Variants in IL34 observed in about 807,000 individuals in gnomAD.
The protein encoded by IL34 is interleukin-34.
A neutral mutation model predicts 25.3 loss-of-function variants in IL34; 17 were observed. That is an observed-to-expected ratio of 0.67 (90% CI 0.46 to 1.01). IL34 has a LOEUF of 1.01. Among genes scored for constraint, IL34 ranks in the 50% least tolerant of loss-of-function variants. The pLI is 0.00. For synonymous variants in IL34, 174 were observed against 140.9 expected, an observed-to-expected ratio of 1.23 and a Z score of -1.66; for missense variants, 368 against 312.9, an observed-to-expected ratio of 1.18 and a Z score of -1.33.
intron 1 of IL34, among the ~76,000 whole-genome samples, chr16:70,621,157 G>T (rs533974713): frequency 6.6e-6 from 1 of 152,200 alleles, no homozygotes; most frequent in South Asian, 2.1e-4. Flanking sequence ...CCTGCCCCAG[G>T]AAAGCAGGAC....
At chr16:70,602,147 G>C (rs1022871605) in intron 1 of IL34, among the ~76,000 whole-genome samples, 1 of 152,232 alleles carries the variant, frequency 6.6e-6, no homozygotes, top group Non-Finnish European at 1.5e-5. Flanking sequence ...CCTCATGGTT[G>C]CAGTGAGCCG....
At chr16:70,626,010 G>A (rs969386928) in intron 1 of IL34, among the ~76,000 whole-genome samples, 3 of 152,188 alleles carry the variant, frequency 2.0e-5, no homozygotes, top group Admixed American at 6.5e-5. Flanking sequence ...TCACGGCACC[G>A]AATTTCATGC....
chr16:70,660,190 A>G lies in IL34; in HGVS notation c.*3A>G. On this transcript the variant is annotated 3_prime_UTR_variant, in exon 6 of 6. Coordinates refer to ENST00000288098, the MANE Select transcript of IL34 (RefSeq NM_001393494.1). ...AGGGCGAGGGCCTCTTGCCCTGAGC[A>G]CCCTGGATGGTGACTGCGGATAGGG... 1 of 1,567,204 alleles carries G rather than the reference A, an allele frequency of 6.4e-7. No individual in the cohort carries two copies. The highest frequency in any genetic ancestry group is 8.6e-7 in the Non-Finnish European group (1 of 1,158,624).
intron 1 of IL34, among the ~76,000 whole-genome samples, chr16:70,623,510 C>T (rs555592203): frequency 1.3e-5 from 2 of 152,100 alleles, no homozygotes; most frequent in Admixed American, 1.3e-4. Flanking sequence ...GGCTTTAATC[C>T]TTTCAAAGCA....
intron 1 of IL34, among the ~76,000 whole-genome samples, chr16:70,587,704 C>A (rs1471741541): frequency 6.6e-6 from 1 of 151,936 alleles, no homozygotes; most frequent in Non-Finnish European, 1.5e-5. Flanking sequence ...CAATACACTA[C>A]CCCACACCCT....
At chr16:70,628,681 C>G (rs1430075665) in intron 1 of IL34, among the ~76,000 whole-genome samples, 1 of 151,170 alleles carries the variant, frequency 6.6e-6, no homozygotes, top group Non-Finnish European at 1.5e-5. Flanking sequence ...GAGATGGGGT[C>G]TCACCATGTT....
chr16:70,611,842 TTAAATAAATAAA>T (rs547858093), intron 1 of IL34, among the ~76,000 whole-genome samples: 1 of 151,434 alleles, frequency 6.6e-6, no homozygotes, highest in Non-Finnish European at 1.5e-5. Context: ...AGACTCTGTC[TTAAATAAATAAA>T]TAAATAAATA....
intron 1 of IL34, among the ~76,000 whole-genome samples, chr16:70,594,360 TA>T (rs1221172739): frequency 4.6e-5 from 7 of 152,226 alleles, no homozygotes; most frequent in Admixed American, 2.0e-4. Flanking sequence ...TGAAGAATTT[TA>T]TTTTTAGGGT....
In IL34 at chr16:70,656,686, A is replaced by G. The variant is rs1282258489; in HGVS notation, c.240+7A>G. Reference sequence around the variant, plus strand: ...CGCCAACGTCACCAGGCTGGTGAGAATCCCTTCCTGGGCTGGGGGGACCCT... The same window carrying G: ...CGCCAACGTCACCAGGCTGGTGAGAGTCCCTTCCTGGGCTGGGGGGACCCT... On this transcript the variant is annotated splice_region_variant and intron_variant, in intron 3 of 5. Coordinates refer to ENST00000288098, the MANE Select transcript of IL34 (RefSeq NM_001393494.1). 1 of 1,288,606 alleles carries G rather than the reference A, an allele frequency of 7.8e-7. No homozygotes were observed. The highest frequency in any genetic ancestry group is 1.1e-6 in the Non-Finnish European group (1 of 882,536). 79.8% of individuals were successfully genotyped at this position (1,288,606 alleles called of 1,614,324 possible).
chr16:70,657,226 G>A (rs925623120), intron 4 of IL34, 105 bp downstream of exon 4: 85 of 1,173,490 alleles, frequency 7.2e-5, no homozygotes, highest in Non-Finnish European at 7.2e-5. Flanking sequence ...GTGAATACAC[G>A]GAAAGATGGG....
At chr16:70,616,837 A>C (rs1478123660) in intron 1 of IL34, among the ~76,000 whole-genome samples, 1 of 152,162 alleles carries the variant, frequency 6.6e-6, no homozygotes, top group South Asian at 2.1e-4. Flanking sequence ...GTGGATCTTC[A>C]GTTACTTCAG....
intron 1 of IL34, among the ~76,000 whole-genome samples, chr16:70,581,600 C>T (rs963548084): frequency 1.3e-5 from 2 of 152,024 alleles, no homozygotes; most frequent in Admixed American, 6.6e-5. Context: ...GCAGAATGGG[C>T]TGGGCAGGGG....
At position 70,657,073 on chromosome 16, in the gene IL34, C is replaced by G. The variant is rs754112108; in HGVS notation, c.354C>G (p.Tyr118Ter). 6.2e-7 allele frequency: 1 copy of G among 1,613,066 alleles called. No individual in the cohort carries two copies. Among genetic ancestry groups the G allele is most frequent in the African/African-American group, 1.3e-5 (1 of 74,852 alleles). ...TCGAGGGCCACCCATCCTGGAAGTA[C>G]CTGCAGGAGGTGGAGACGCTGCTGC... ...VLLEGHPSWK[Y>*]LQEVETLLLN... The change falls in exon 4 of 6, where the codon TAC becomes TAG. Residue 118 changes from tyrosine to a stop codon, truncating the protein, a stop_gained. Transcript: ENST00000288098. LOFTEE classifies it high-confidence loss of function.
At chr16:70,659,858 C>A (rs532426038) in intron 5 of IL34, 105 bp downstream of exon 5, 4 of 1,490,508 alleles carry the variant, frequency 2.7e-6, no homozygotes, top group Admixed American at 4.3e-5. Context: ...ATCCTCTGCT[C>A]CCCGGGGCTA....
chr16:70,607,744 G>GT (rs1252968696), intron 1 of IL34, among the ~76,000 whole-genome samples: 1 of 151,776 alleles, frequency 6.6e-6, no homozygotes, highest in East Asian at 1.9e-4. Context: ...TGACCATGTG[G>GT]TTTTTCTTTT....
chr16:70,637,903 T>A (rs956916720), intron 1 of IL34, among the ~76,000 whole-genome samples: 1 of 152,158 alleles, frequency 6.6e-6, no homozygotes, highest in Non-Finnish European at 1.5e-5. Context: ...GTTCTCAGAT[T>A]TTGCTAACTG....
intron 1 of IL34, 127 bp from the exon 2 acceptor site, chr16:70,654,411 C>A: frequency 7.6e-7 from 1 of 1,309,610 alleles, no homozygotes; most frequent in Non-Finnish European, 1.0e-6. Context: ...GTGCCCCCCA[C>A]CACACCTTTC....
intron 1 of IL34, among the ~76,000 whole-genome samples, chr16:70,599,318 T>TTCTTTC: frequency 1.6e-5 from 1 of 61,184 alleles, no homozygotes; most frequent in African/African-American, 6.4e-5. Flanking sequence ...CTTTCTTTCT[T>TTCTTTC]TTCTTTCTTT....
chr16:70,652,096 C>G (rs1381716146), intron 1 of IL34, among the ~76,000 whole-genome samples: 1 of 150,632 alleles, frequency 6.6e-6, no homozygotes, highest in Non-Finnish European at 1.5e-5. Flanking sequence ...CCACGGCACT[C>G]CAGCCTGGGT....
Sources: allele counts gnomAD v4.1 joint callset (sites outside exome capture counted in the v4.1 genomes callset), GRCh38; gene constraint gnomAD v4.1.1; transcripts MANE v1.5; gene names NCBI Gene and HGNC (gene_info 2026-07-23, HGNC 2026-07-21).